Variants in AOX1 observed in about 807,000 individuals in gnomAD.
AOX1 encodes aldehyde oxidase 1.
In AOX1, 153 loss-of-function variants were observed where a neutral mutation model predicts 169.5. That is an observed-to-expected ratio of 0.90 (90% CI 0.79 to 1.03). The LOEUF is 1.03. Ranked by LOEUF, AOX1 falls within the 50% of genes least tolerant of loss-of-function variation. The probability of loss-of-function intolerance (pLI) is 0.00; values close to 1 mark genes in which losing one functional copy is unlikely to be tolerated. For synonymous variants in AOX1, 562 were observed against 581.9 expected (o/e 0.97, Z 0.49); for missense variants, 1,656 against 1,663.9 (o/e 1.00, Z 0.08).
At chr2:200,625,401 A>G (rs940834080) in intron 19 of AOX1, among the ~76,000 whole-genome samples, 2 of 152,194 alleles carry the variant, frequency 1.3e-5, no homozygotes, top group African/African-American at 4.8e-5. Flanking sequence ...AAAAGCCCCA[A>G]TAAGCAAATA....
Position 200,638,256 on chromosome 2 carries a change from A to G in AOX1, c.2522A>G (p.Asp841Gly). 1 of 1,613,798 alleles carries G rather than the reference A, an allele frequency of 6.2e-7. No homozygotes were observed. The part of the protein sequence containing the change: ...AVRCVLERGE[D>G]MLITGGRHPY... Reference sequence around the variant, plus strand: ...CGCTGTGTTCTGGAACGAGGAGAAGACATGTTAATAACTGGAGGCCGCCAT... The same window carrying G: ...CGCTGTGTTCTGGAACGAGGAGAAGGCATGTTAATAACTGGAGGCCGCCAT... Residue 841 changes from aspartate to glycine, a missense_variant, in exon 23 of 35, where the codon GAC (aspartate) becomes GGC (glycine). Transcript: ENST00000374700.
chr2:200,601,697 C>T (rs2034417274), intron 5 of AOX1, among the ~76,000 whole-genome samples: 4 of 151,986 alleles, frequency 2.6e-5, no homozygotes, highest in Non-Finnish European at 5.9e-5. Flanking sequence ...TTAGGGAGGC[C>T]TAGGTGGGTG....
intron 1 of AOX1, among the ~76,000 whole-genome samples, chr2:200,589,930 T>G (rs2106363320): frequency 6.6e-6 from 1 of 152,286 alleles, no homozygotes; most frequent in Non-Finnish European, 1.5e-5. Flanking sequence ...GGAGGCACCT[T>G]AGGCAGAAAG....
chr2:200,608,584 T>C (rs528207717), intron 10 of AOX1, among the ~76,000 whole-genome samples: 103 of 152,310 alleles, frequency 6.8e-4, no homozygotes, highest in African/African-American at 2.4e-3. Context: ...ATCTGTGAAA[T>C]GGGGCTATTA....
At chr2:200,588,011 G>A (rs563067317) in intron 1 of AOX1, among the ~76,000 whole-genome samples, 18 of 152,346 alleles carry the variant, frequency 1.2e-4, no homozygotes, top group Middle Eastern at 6.8e-3. Context: ...CGTGCATGGA[G>A]CTTACATTGT....
chr2:200,666,803 G>C (rs56291912), intron 32 of AOX1, 51 bp downstream of exon 32: 1 of 1,353,266 alleles, frequency 7.4e-7, no homozygotes, highest in Non-Finnish European at 1.0e-6. Flanking sequence ...CCAAAAGTGC[G>C]GTGGGGTCTG....
intron 31 of AOX1, among the ~76,000 whole-genome samples, 174 bp from the exon 32 acceptor site, chr2:200,666,513 A>C (rs1193935218): frequency 1.3e-5 from 2 of 152,198 alleles, no homozygotes; most frequent in African/African-American, 2.4e-5. Flanking sequence ...ATAATTTTGA[A>C]AGTTTTACAT....
At chr2:200,640,214 A>T (rs919369514) in intron 23 of AOX1, among the ~76,000 whole-genome samples, 1 of 152,092 alleles carries the variant, frequency 6.6e-6, no homozygotes, top group African/African-American at 2.4e-5. Context: ...AATAGGATTG[A>T]TGGGTTTAGG....
At chr2:200,681,926 G>T (rs1003169139), downstream of AOX1, among the ~76,000 whole-genome samples, 28 of 146,048 alleles carry the variant, frequency 1.9e-4, no homozygotes, top group South Asian at 1.3e-3. Context: ...ACCTTTTGGG[G>T]TTTTTTTTTT....
chr2:200,589,293 G>T lies in AOX1; in HGVS notation c.45+3140G>T, dbSNP rs562467396. 5.3e-5 allele frequency among the ~76,000 whole-genome samples: 8 copies of T among 152,146 alleles called. No individual in the cohort carries two copies. In the South Asian group the frequency reaches 6.2e-4, roughly 12 times the overall value. On this transcript the variant is annotated intron_variant, in intron 1 of 34. Coordinates refer to ENST00000374700, the MANE Select transcript of AOX1 (RefSeq NM_001159.4). ...TACCAAGGCCCCCAGAAGAACAGAT[G>T]ACCCATTTAACATGGAGTTTAAGGG...
intron 27 of AOX1, among the ~76,000 whole-genome samples, chr2:200,657,189 TA>T (rs752769429): frequency 0.068 from 4,758 of 70,456 alleles, 125 homozygotes; most frequent in Non-Finnish European, 0.1. Flanking sequence ...TATATATATA[TA>T]TTTTTTTTTT....
chr2:200,614,188 C>T (rs561509940), intron 15 of AOX1, among the ~76,000 whole-genome samples: 42 of 152,312 alleles, frequency 2.8e-4, no homozygotes, highest in African/African-American at 9.9e-4. Context: ...TTATTTAACA[C>T]CACTCAATTA....
rs762731596 is a variant in AOX1, at chr2:200,650,969, C to T, written c.2848-5C>T. On this transcript the variant is annotated splice_region_variant and splice_polypyrimidine_tract_variant and intron_variant, in intron 25 of 34. Coordinates refer to ENST00000374700, the MANE Select transcript of AOX1 (RefSeq NM_001159.4). ...TCCCAGCTTTAATCTCCTTTTCTTTCATAGGTGCGAATCATAAACATGTAC... is the reference window on the plus strand; with the variant it reads ...TCCCAGCTTTAATCTCCTTTTCTTTTATAGGTGCGAATCATAAACATGTAC... The T allele has an allele frequency of 6.2e-7, 1 of 1,613,520 alleles. No individual in the cohort carries two copies. The highest frequency in any genetic ancestry group is 1.1e-5 in the South Asian group (1 of 91,016).
chr2:200,656,622 A>C (rs1156604202), intron 26 of AOX1, among the ~76,000 whole-genome samples: 1 of 152,072 alleles, frequency 6.6e-6, no homozygotes, highest in Non-Finnish European at 1.5e-5. Flanking sequence ...GCACACAATT[A>C]TTCACCCTCT....
At chr2:200,656,784 C>A in intron 26 of AOX1, 58 bp from the exon 27 acceptor site, 1 of 1,226,130 alleles carries the variant, frequency 8.2e-7, no homozygotes, top group Non-Finnish European at 1.1e-6. Flanking sequence ...TTTTAATTGA[C>A]ACGATATGTG....
intron 25 of AOX1, among the ~76,000 whole-genome samples, chr2:200,643,186 CT>C (rs35539595): frequency 0.15 from 19,277 of 131,914 alleles, 1,609 homozygotes; most frequent in East Asian, 0.5. Flanking sequence ...CCTTTTGGTT[CT>C]TTTTTTTTTT....
At chr2:200,606,205 T>C (rs1488778969) in intron 10 of AOX1, among the ~76,000 whole-genome samples, 1 of 152,236 alleles carries the variant, frequency 6.6e-6, no homozygotes, top group Non-Finnish European at 1.5e-5. Flanking sequence ...TGCATATGGC[T>C]AGCCAGTTTT....
At chr2:200,612,471 A>G in intron 13 of AOX1, 138 bp from the exon 14 acceptor site, 1 of 781,294 alleles carries the variant, frequency 1.3e-6, no homozygotes, top group African/African-American at 1.7e-5. Flanking sequence ...CTCAACACAC[A>G]CACACTACCT....
chr2:200,630,099 C>G (rs2035085580), intron 20 of AOX1, among the ~76,000 whole-genome samples: 1 of 150,344 alleles, frequency 6.7e-6, no homozygotes, highest in Non-Finnish European at 1.5e-5. Flanking sequence ...GGAAGCCGGG[C>G]ATGGTGGCTC....
Sources: allele counts gnomAD v4.1 joint callset (sites outside exome capture counted in the v4.1 genomes callset), GRCh38; gene constraint gnomAD v4.1.1; transcripts MANE v1.5; gene names NCBI Gene and HGNC (gene_info 2026-07-23, HGNC 2026-07-21).